GALNT14: variants seen among roughly 807,000 people sequenced by gnomAD.
The protein encoded by GALNT14 is UDP-GalNAc:polypeptide N-acetylgalactosaminyltransferase 14.
GALNT14 carries 60 observed loss-of-function variants against 77.5 expected under a neutral mutation model. That is an observed-to-expected ratio of 0.77 (90% CI 0.63 to 0.96). GALNT14 has a LOEUF of 0.96. GALNT14 is among the 40% of genes least tolerant of loss of function. The probability of loss-of-function intolerance (pLI) is 0.00; values close to 1 mark genes in which losing one functional copy is unlikely to be tolerated. For synonymous variants in GALNT14, 280 were observed against 281.7 expected (o/e 0.99, Z 0.06); for missense variants, 710 against 731.0 (o/e 0.97, Z 0.33).
At chr2:31,116,521 T>G (rs966176966) in intron 1 of GALNT14, among the ~76,000 whole-genome samples, 1 of 152,072 alleles carries the variant, frequency 6.6e-6, no homozygotes, top group African/African-American at 2.4e-5. Context: ...AAGGCACAAT[T>G]TATTAAAATA....
Position 30,992,916 on chromosome 2 carries a change from T to C in GALNT14, c.221A>G (p.Tyr74Cys). ...AKKWRVGDDP[Y>C]KLYAFNQRES... ...CCGCTGGTTGAAAGCATACAGCTTA[T>C]AGGGGTCGTCACCAACGCGCCACTT... Residue 74 changes from tyrosine to cysteine, a missense_variant, in exon 2 of 15, where the codon TAT (tyrosine) becomes TGT (cysteine). Transcript: ENST00000349752. 6.2e-7 allele frequency: 1 copy of C among 1,614,184 alleles called. No individual in the cohort carries two copies. The highest frequency in any genetic ancestry group is 8.5e-7 in the Non-Finnish European group (1 of 1,180,034).
chr2:31,026,008 T>C (rs1672030853), intron 1 of GALNT14, among the ~76,000 whole-genome samples: 1 of 152,144 alleles, frequency 6.6e-6, no homozygotes, highest in Non-Finnish European at 1.5e-5. Context: ...GATTTAAATG[T>C]TAAACATATC....
rs1572952445 is a variant in GALNT14 at position 30,912,071 on chromosome 2, C to G, written c.1500+152G>C. The G allele has an allele frequency of 3.2e-6, 3 of 934,100 alleles. No individual in the cohort carries two copies. In the East Asian group the frequency reaches 7.5e-5, roughly 23 times the overall value. The allele number at this position is 934,100 out of a possible 1,614,324, so 57.9% of individuals were successfully genotyped here. ...TTGCTGCTAGCATCACAGAGGGGAT[C>G]CCAGGCAGCACTTTCCCTCCCTCTC... On this transcript the variant is annotated intron_variant, in intron 14 of 14. Transcript: ENST00000349752.
At chr2:31,105,817 G>A (rs979001094) in intron 1 of GALNT14, among the ~76,000 whole-genome samples, 21 of 152,212 alleles carry the variant, frequency 1.4e-4, no homozygotes, top group African/African-American at 5.1e-4. Context: ...GGACGAAGGA[G>A]TTAAGAAAAA....
At chr2:31,097,824 T>C (rs1334075187) in intron 1 of GALNT14, among the ~76,000 whole-genome samples, 1 of 152,098 alleles carries the variant, frequency 6.6e-6, no homozygotes, top group African/African-American at 2.4e-5. Context: ...TCATGGGAAA[T>C]GAACAGATGG....
chr2:30,964,623 T>A (rs578011790), intron 3 of GALNT14, among the ~76,000 whole-genome samples: 2 of 152,224 alleles, frequency 1.3e-5, no homozygotes, highest in African/African-American at 4.8e-5. Flanking sequence ...GGCACGTGGC[T>A]GGAGGAAGAA....
intron 1 of GALNT14, among the ~76,000 whole-genome samples, chr2:31,029,322 C>T (rs1046135628): frequency 6.6e-6 from 1 of 152,202 alleles, no homozygotes; most frequent in African/African-American, 2.4e-5. Flanking sequence ...TCTACATTCA[C>T]TGTCACAGAG....
chr2:30,890,077 T>C, the GALNT14 span, among the ~76,000 whole-genome samples: 2 of 152,096 alleles, frequency 1.3e-5, no homozygotes, highest in African/African-American at 4.8e-5. Context: ...TTCAGACAAC[T>C]CTCCTGGCCA....
chr2:31,079,125 CT>C (rs1675997764), intron 1 of GALNT14: 6 of 1,119,836 alleles, frequency 5.4e-6, no homozygotes, highest in Non-Finnish European at 6.9e-6. Flanking sequence ...GTGACCACAC[CT>C]TTGGGACACC....
intron 3 of GALNT14, among the ~76,000 whole-genome samples, chr2:30,959,087 TA>T (rs1476713662): frequency 6.6e-6 from 1 of 152,140 alleles, no homozygotes; most frequent in Non-Finnish European, 1.5e-5. Flanking sequence ...TGCTCATTCA[TA>T]ACTAAGAGCC....
Position 31,138,062 on chromosome 2 carries a change from C to G in GALNT14, c.25G>C (p.Val9Leu), listed in dbSNP as rs139115558. The G allele has an allele frequency of 9.5e-3, 15,407 of 1,613,786 alleles. 130 individuals are homozygous for G. Among genetic ancestry groups the G allele is most frequent in the Non-Finnish European group, 9.2e-3 (10,896 of 1,179,792 alleles). ...CAGAGCACCCCGAAGACTGGCAGAA[C>G]CAGCCGACGAGTCAGGCGCCGCATG... MRRLTRRL[V>L]LPVFGVLWIT... is the part of the protein sequence containing the mutation. Residue 9 changes from valine (V) to leucine (L), a missense_variant, in exon 1 of 15, where the codon GTT becomes CTT. Physicochemically the swap from Val to Leu is conservative, Grantham distance 32. Transcript: ENST00000349752.
chr2:31,118,079 A>C (rs1678203392), intron 1 of GALNT14, among the ~76,000 whole-genome samples: 1 of 152,234 alleles, frequency 6.6e-6, no homozygotes, highest in African/African-American at 2.4e-5. Flanking sequence ...CTGTGTGCCC[A>C]AACAACGAGA....
chr2:31,138,397 G>T lies in GALNT14; in HGVS notation c.-311C>A. 2.8e-6 allele frequency: 1 copy of T among 358,388 alleles called. No homozygotes were observed. The highest frequency in any genetic ancestry group is 3.3e-5 in the South Asian group (1 of 30,506). 22.2% of individuals were successfully genotyped at this position (358,388 alleles called of 1,614,324 possible). A position where few individuals can be genotyped will look rare whatever the true frequency, so the allele number is the denominator to read the frequency against. On this transcript the variant is annotated 5_prime_UTR_variant, in exon 1 of 15. Coordinates refer to ENST00000349752, the MANE Select transcript of GALNT14 (RefSeq NM_024572.4). ...TCCCCACGCCGCCACCGCGGCTGCC[G>T]CCGCCGCCGCCGCCGCCTTGCCCGC...
intron 1 of GALNT14, among the ~76,000 whole-genome samples, chr2:31,112,213 G>C (rs889037539): frequency 1.3e-5 from 2 of 152,206 alleles, no homozygotes; most frequent in Non-Finnish European, 2.9e-5. Flanking sequence ...GCACAGGAGA[G>C]CAAACAGCCA....
intron 1 of GALNT14, among the ~76,000 whole-genome samples, chr2:31,001,919 A>G (rs1422561711): frequency 6.6e-6 from 1 of 152,240 alleles, no homozygotes; most frequent in Non-Finnish European, 1.5e-5. Flanking sequence ...CGATTTGAAA[A>G]AGAACCAAAT....
intron 1 of GALNT14, among the ~76,000 whole-genome samples, chr2:31,093,985 G>C (rs184364601): frequency 5.9e-5 from 9 of 152,318 alleles, no homozygotes; most frequent in African/African-American, 1.4e-4. Flanking sequence ...CTAGCTCCAA[G>C]CTTTGACCCT....
intron 13 of GALNT14, among the ~76,000 whole-genome samples, chr2:30,922,678 T>G (rs950910024): frequency 1.3e-5 from 2 of 152,228 alleles, no homozygotes; most frequent in Non-Finnish European, 2.9e-5. Context: ...CTAACTTGGA[T>G]GCCATCTCTT....
chr2:31,071,915 G>A (rs530281082), intron 1 of GALNT14, among the ~76,000 whole-genome samples: 2 of 152,304 alleles, frequency 1.3e-5, no homozygotes, highest in African/African-American at 4.8e-5. Flanking sequence ...ATGCAACTGC[G>A]CAGCCACACA....
chr2:31,044,310 C>T lies in GALNT14; in HGVS notation c.130-51303G>A, dbSNP rs79787394. ...CAACACACTGCCCTCTTAAAATAAA[C>T]ACACTGGATAGAGCTTTCTTTCCCT... On this transcript the variant is annotated intron_variant, in intron 1 of 14. Transcript: ENST00000349752. 2.7e-4 allele frequency among the ~76,000 whole-genome samples: 41 copies of T among 152,296 alleles called. 1 individual carries two copies. The East Asian group carries it at 7.5e-3, about 28-fold the overall frequency.
Sources: allele counts gnomAD v4.1 joint callset (sites outside exome capture counted in the v4.1 genomes callset), GRCh38; gene constraint gnomAD v4.1.1; transcripts MANE v1.5; gene names NCBI Gene and HGNC (gene_info 2026-07-23, HGNC 2026-07-21).